GRIN2A: variants seen among roughly 807,000 people sequenced by gnomAD.
GRIN2A encodes glutamate ionotropic receptor NMDA type subunit 2A, also known as glutamate receptor ionotropic, NMDA 2A.
In GRIN2A, 22 loss-of-function variants were observed where a neutral mutation model predicts 113.4. The observed-to-expected ratio is 0.19, with a 90% CI of 0.14 to 0.28. The LOEUF (loss-of-function observed/expected upper bound fraction) is 0.28, where lower values mean the gene tolerates loss of function less well. Among genes scored for constraint, GRIN2A ranks in the 10% least tolerant of loss-of-function variants. The probability of loss-of-function intolerance (pLI) is 1.00; values close to 1 mark genes in which losing one functional copy is unlikely to be tolerated. For missense variants in GRIN2A, 1,502 were observed against 1,887.0 expected (o/e 0.80, Z 3.78); for synonymous variants, 827 against 738.4 (o/e 1.12, Z -1.94).
At chr16:9,851,420 T>G (rs1284723577) in intron 4 of GRIN2A, among the ~76,000 whole-genome samples, 1 of 152,180 alleles carries the variant, frequency 6.6e-6, no homozygotes, top group Non-Finnish European at 1.5e-5. Context: ...CGACATAGAT[T>G]TATTGAAGAC....
chr16:10,173,884 G>GT (rs1236809146), intron 2 of GRIN2A, among the ~76,000 whole-genome samples: 1 of 152,194 alleles, frequency 6.6e-6, no homozygotes, highest in Non-Finnish European at 1.5e-5. Flanking sequence ...CAAAATCCGA[G>GT]TGAACACACT....
In GRIN2A at chr16:9,955,878, C is replaced by T. The variant is rs567464675; in HGVS notation, c.415-17327G>A. ...CTCTCTCACCGCCAGCTTCAACAAA[C>T]CAGGAAACCCATCAGGCTGTATCAC... On this transcript the variant is annotated intron_variant, in intron 2 of 12. Coordinates refer to ENST00000330684, the MANE Select transcript of GRIN2A (RefSeq NM_001134407.3). Among the ~76,000 whole-genome samples, 71 of 152,312 alleles carry T rather than the reference C, an allele frequency of 4.7e-4. No individual in the cohort carries two copies. The South Asian group carries it at 0.011, about 23-fold the overall frequency.
At chr16:9,863,842 C>G (rs183369825) in intron 4 of GRIN2A, among the ~76,000 whole-genome samples, 4 of 152,142 alleles carry the variant, frequency 2.6e-5, no homozygotes, top group Admixed American at 2.0e-4. Flanking sequence ...TTATAAAAAC[C>G]CAAACATAAA....
At chr16:10,014,849 T>G (rs575063669) in intron 2 of GRIN2A, among the ~76,000 whole-genome samples, 68 of 152,314 alleles carry the variant, frequency 4.5e-4, no homozygotes, top group Middle Eastern at 3.4e-3. Context: ...AGTAATGGGT[T>G]ATTAATAGGA....
chr16:10,095,398 G>A (rs963709181), intron 2 of GRIN2A, among the ~76,000 whole-genome samples: 3 of 152,082 alleles, frequency 2.0e-5, no homozygotes, highest in African/African-American at 4.8e-5. Context: ...TATAAATAAC[G>A]ACAGTAATGG....
chr16:10,158,917 T>C (rs1425994438), intron 2 of GRIN2A, among the ~76,000 whole-genome samples: 1 of 152,214 alleles, frequency 6.6e-6, no homozygotes, highest in Non-Finnish European at 1.5e-5. Flanking sequence ...GCAGATTCTA[T>C]GTTATGTGTA....
chr16:10,070,520 A>T (rs1845570859), intron 2 of GRIN2A, among the ~76,000 whole-genome samples: 1 of 146,998 alleles, frequency 6.8e-6, no homozygotes, highest in Non-Finnish European at 1.5e-5. Context: ...ATTACAGTTA[A>T]AAAAAAATGC....
At chr16:10,070,588 G>T (rs1174481982) in intron 2 of GRIN2A, among the ~76,000 whole-genome samples, 1 of 152,172 alleles carries the variant, frequency 6.6e-6, no homozygotes, top group Admixed American at 6.5e-5. Flanking sequence ...TGAAGCCCGA[G>T]ATCCTAGTGA....
At chr16:9,773,843 G>A (rs903345641) in intron 11 of GRIN2A, among the ~76,000 whole-genome samples, 2 of 152,226 alleles carry the variant, frequency 1.3e-5, no homozygotes, top group African/African-American at 4.8e-5. Context: ...TTCAGTAGAA[G>A]GAGCAAGGTG....
At chr16:9,803,445 C>A (rs980190892) in intron 10 of GRIN2A, among the ~76,000 whole-genome samples, 2 of 151,882 alleles carry the variant, frequency 1.3e-5, no homozygotes, top group Admixed American at 6.6e-5. Context: ...AAAAATGGAG[C>A]CAACAATATT....
chr16:9,987,157 G>C lies in GRIN2A; in HGVS notation c.415-48606C>G, dbSNP rs148263201. On this transcript the variant is annotated intron_variant, in intron 2 of 12. Coordinates refer to ENST00000330684, the MANE Select transcript of GRIN2A (RefSeq NM_001134407.3). ...ACTGGTATGGCTGTTTGTTATTGCAGAGCATGTCTGGTCCCTGCAACCAGA... is the reference window on the plus strand; with the variant it reads ...ACTGGTATGGCTGTTTGTTATTGCACAGCATGTCTGGTCCCTGCAACCAGA... 1.6e-4 allele frequency among the ~76,000 whole-genome samples: 25 copies of C among 152,286 alleles called. 1 individual carries two copies. In the East Asian group the frequency reaches 4.8e-3, roughly 29 times the overall value.
chr16:10,065,523 T>C (rs1248700956), intron 2 of GRIN2A, among the ~76,000 whole-genome samples: 2 of 152,234 alleles, frequency 1.3e-5, no homozygotes, highest in Non-Finnish European at 2.9e-5. Flanking sequence ...ATCTCTGTCA[T>C]TTGCTCACTG....
chr16:10,150,088 T>A (rs1301623892), intron 2 of GRIN2A, among the ~76,000 whole-genome samples: 1 of 152,226 alleles, frequency 6.6e-6, no homozygotes, highest in Non-Finnish European at 1.5e-5. Flanking sequence ...TGAGCCCAGT[T>A]TGAACAGTTG....
chr16:10,102,584 T>C (rs1482326604), intron 2 of GRIN2A, among the ~76,000 whole-genome samples: 1 of 152,186 alleles, frequency 6.6e-6, no homozygotes, highest in African/African-American at 2.4e-5. Context: ...TCTCACTCTA[T>C]TGCCCAGGCT....
At chr16:10,011,291 G>A (rs1567232989) in intron 2 of GRIN2A, among the ~76,000 whole-genome samples, 1 of 152,190 alleles carries the variant, frequency 6.6e-6, no homozygotes, top group Non-Finnish European at 1.5e-5. Context: ...GTGGAGACAA[G>A]TTCACCCCTG....
chr16:10,022,433 G>C (rs578018754), intron 2 of GRIN2A, among the ~76,000 whole-genome samples: 33 of 152,224 alleles, frequency 2.2e-4, no homozygotes, highest in African/African-American at 7.2e-4. Flanking sequence ...CTTCTGTCTA[G>C]AATGTCTTCC....
At chr16:10,013,088 C>T (rs927065297) in intron 2 of GRIN2A, among the ~76,000 whole-genome samples, 1 of 152,124 alleles carries the variant, frequency 6.6e-6, no homozygotes. Flanking sequence ...ATCTGTACAA[C>T]AAACCCCAGT....
intron 2 of GRIN2A, among the ~76,000 whole-genome samples, chr16:10,166,639 C>T (rs183196842): frequency 6.6e-6 from 1 of 152,308 alleles, no homozygotes; most frequent in African/African-American, 2.4e-5. Flanking sequence ...GATTCTGAAA[C>T]AAATTGATAA....
chr16:9,890,956 C>T (rs781156159), intron 4 of GRIN2A, 30 bp downstream of exon 4: 1 of 1,347,568 alleles, frequency 7.4e-7, no homozygotes, highest in East Asian at 2.3e-5. Flanking sequence ...TCTTCCCTCC[C>T]CTGCATTCAG....
Sources: allele counts gnomAD v4.1 joint callset (sites outside exome capture counted in the v4.1 genomes callset), GRCh38; gene constraint gnomAD v4.1.1; transcripts MANE v1.5; gene names NCBI Gene and HGNC (gene_info 2026-07-23, HGNC 2026-07-21).